The following HFM1 variants were observed in gnomAD, a reference collection of about 807,000 sequenced individuals.
The protein encoded by HFM1 is helicase for meiosis 1.
Under a neutral mutation model 192.1 loss-of-function variants are expected in HFM1, and 169 were observed. The observed-to-expected ratio is 0.88, with a 90% CI of 0.78 to 1.00. HFM1 has a LOEUF of 1.00. Ranked by LOEUF, HFM1 falls within the 50% of genes least tolerant of loss-of-function variation. The pLI is 0.00. For missense variants in HFM1, 1,661 were observed against 1,668.0 expected (o/e 1.00, Z 0.07); for synonymous variants, 525 against 537.8 (o/e 0.98, Z 0.33).
rs370334116 is a variant in HFM1, at chr1:91,400,793, T to C, written c.71+219A>G. Among the ~76,000 whole-genome samples, 12 of 152,330 alleles carry C rather than the reference T, an allele frequency of 7.9e-5. No homozygotes were observed. In the East Asian group the frequency reaches 1.2e-3, roughly 15 times the overall value. On this transcript the variant is annotated intron_variant, in intron 2 of 38. Transcript: ENST00000370425. ...GCCACTGCGCCTGGCCCAAATCTAT[T>C]CTATTTTTAAAATTATAACATTTAA...
At chr1:91,305,843 T>G (rs1206172096) in intron 30 of HFM1, among the ~76,000 whole-genome samples, 1 of 152,094 alleles carries the variant, frequency 6.6e-6, no homozygotes, top group Non-Finnish European at 1.5e-5. Context: ...TCTGGGATTA[T>G]AGGTATGAGC....
chr1:91,405,402 C>T (rs2102247743), upstream of HFM1, among the ~76,000 whole-genome samples: 1 of 152,304 alleles, frequency 6.6e-6, no homozygotes, highest in African/African-American at 2.4e-5. Flanking sequence ...GAATTGTCCT[C>T]TGAAGATTTG....
At chr1:91,290,724 C>G (rs984364136) in intron 30 of HFM1, among the ~76,000 whole-genome samples, 7 of 152,142 alleles carry the variant, frequency 4.6e-5, no homozygotes, top group Non-Finnish European at 7.4e-5. Flanking sequence ...ACAGAACTCT[C>G]CACCCCAAAT....
At chr1:91,391,465 G>C (rs1449187237) in intron 4 of HFM1, among the ~76,000 whole-genome samples, 1 of 152,196 alleles carries the variant, frequency 6.6e-6, no homozygotes, top group Non-Finnish European at 1.5e-5. Flanking sequence ...ACAACCATCT[G>C]ATCTTTGACA....
Position 91,369,161 on chromosome 1 carries a change from C to T in HFM1, c.1685+6197G>A, listed in dbSNP as rs559214380. Among the ~76,000 whole-genome samples, 3 of 152,316 alleles carry T rather than the reference C, an allele frequency of 2.0e-5. No homozygotes were observed. The South Asian group carries it at 6.2e-4, about 32-fold the overall frequency. On this transcript the variant is annotated intron_variant, in intron 13 of 38. Transcript: ENST00000370425. Reference sequence around the variant, plus strand: ...ACACAATAATAATGGGAGACTTTCACACCCCACTGTCAACATTAGACAGAT... The same window carrying T: ...ACACAATAATAATGGGAGACTTTCATACCCCACTGTCAACATTAGACAGAT...
intron 20 of HFM1, among the ~76,000 whole-genome samples, chr1:91,330,796 T>C (rs1653712879): frequency 6.6e-6 from 1 of 152,188 alleles, no homozygotes; most frequent in African/African-American, 2.4e-5. Context: ...CTAAAAAGAT[T>C]ATTCAACATG....
chr1:91,346,862 G>C (rs1265313335), intron 19 of HFM1, among the ~76,000 whole-genome samples: 1 of 152,146 alleles, frequency 6.6e-6, no homozygotes, highest in African/African-American at 2.4e-5. Flanking sequence ...GTCGCTCACA[G>C]CTACATTCTC....
intron 13 of HFM1, among the ~76,000 whole-genome samples, chr1:91,359,555 A>T (rs76386340): frequency 0.034 from 2 of 58 alleles, no homozygotes; most frequent in African/African-American, 0.071. Context: ...CAAGAATACA[A>T]AAAAAAAAAA....
chr1:91,381,119 G>T, intron 6 of HFM1, 137 bp from the exon 7 acceptor site: 1 of 564,980 alleles, frequency 1.8e-6, no homozygotes, highest in South Asian at 2.2e-5. Flanking sequence ...TGGCATCTTA[G>T]GAAAAGAATT....
rs114570239 is a variant in HFM1, at chr1:91,316,516, A to G, written c.2813-40T>C. On this transcript the variant is annotated intron_variant, in intron 25 of 38. Transcript: ENST00000370425. Reference sequence around the variant, plus strand: ...TCAAACAACAACTTAAAAATAATGCACTTTAAATAAAACATATATTTAAAT... The same window carrying G: ...TCAAACAACAACTTAAAAATAATGCGCTTTAAATAAAACATATATTTAAAT... 4 of 913,990 alleles carry G rather than the reference A, an allele frequency of 4.4e-6. No homozygotes were observed. The South Asian group carries it at 9.0e-5, about 21-fold the overall frequency. The allele number at this position is 913,990 out of a possible 1,614,324, so 56.6% of individuals were successfully genotyped here.
intron 1 of HFM1, among the ~76,000 whole-genome samples, chr1:91,402,153 C>A (rs1200537839): frequency 6.6e-6 from 1 of 152,084 alleles, no homozygotes; most frequent in African/African-American, 2.4e-5. Flanking sequence ...TCTATTAATG[C>A]CATCTAGTGG....
Position 91,352,668 on chromosome 1 carries a change from C to T in HFM1, c.1832-17G>A, listed in dbSNP as rs766097308. ...TGGTAGTAACTGCATCAGATTAAGA[C>T]ATAGTAATTTTGAGCCATTTAACTT... On this transcript the variant is annotated splice_polypyrimidine_tract_variant and intron_variant, in intron 15 of 38. Transcript: ENST00000370425. The T allele has an allele frequency of 3.2e-6, 5 of 1,560,538 alleles. No homozygotes were observed. In the East Asian group the frequency reaches 1.2e-4, roughly 36 times the overall value.
At chr1:91,296,929 T>C (rs997433427) in intron 30 of HFM1, among the ~76,000 whole-genome samples, 1 of 152,140 alleles carries the variant, frequency 6.6e-6, no homozygotes, top group Non-Finnish European at 1.5e-5. Context: ...CACTGGGGAA[T>C]GTCAGACAGT....
Position 91,277,605 on chromosome 1 carries a change from T to TACC in HFM1, c.3392-544_3392-543insGGT, listed in dbSNP as rs1557766167. Among the ~76,000 whole-genome samples, 3 of 66,566 alleles carry TACC rather than the reference T, an allele frequency of 4.5e-5. No individual in the cohort carries two copies. In the Admixed American group the frequency reaches 6.4e-4, roughly 14 times the overall value. 43.7% of individuals were successfully genotyped at this position (66,566 alleles called of 152,430 possible). A position where few individuals can be genotyped will look rare whatever the true frequency, so the allele number is the denominator to read the frequency against. On this transcript the variant is annotated intron_variant, in intron 30 of 38. Transcript: ENST00000370425. ...CTTTATATATAATATATATACTTTA[T>TACC]ATATATACTATATACTAATATATAT...
At chr1:91,325,420 A>G (rs1021836874) in intron 20 of HFM1, among the ~76,000 whole-genome samples, 7 of 152,224 alleles carry the variant, frequency 4.6e-5, no homozygotes, top group Non-Finnish European at 1.0e-4. Flanking sequence ...GAGTGCTTAC[A>G]TCAGCATAGC....
chr1:91,303,470 T>C (rs1290784834), intron 30 of HFM1, among the ~76,000 whole-genome samples: 1 of 152,258 alleles, frequency 6.6e-6, no homozygotes, highest in Non-Finnish European at 1.5e-5. Flanking sequence ...TGCAGCTATA[T>C]ACATTCATGT....
upstream of HFM1, among the ~76,000 whole-genome samples, chr1:91,406,182 G>A (rs1405489477): frequency 2.0e-5 from 3 of 152,200 alleles, no homozygotes; most frequent in Non-Finnish European, 2.9e-5. Flanking sequence ...GGAGGCCCTC[G>A]CCAAATACCG....
intron 13 of HFM1, among the ~76,000 whole-genome samples, chr1:91,368,609 G>A (rs1207322556): frequency 1.3e-5 from 2 of 152,088 alleles, no homozygotes; most frequent in Non-Finnish European, 2.9e-5. Flanking sequence ...CAATAAACAT[G>A]GAAAGGAACA....
At chr1:91,389,439 G>A (rs1188150071) in intron 4 of HFM1, among the ~76,000 whole-genome samples, 2 of 151,996 alleles carry the variant, frequency 1.3e-5, no homozygotes, top group Non-Finnish European at 2.9e-5. Flanking sequence ...GTATTTGGAG[G>A]TGGGGCCTTT....
Sources: allele counts gnomAD v4.1 joint callset (sites outside exome capture counted in the v4.1 genomes callset), GRCh38; gene constraint gnomAD v4.1.1; transcripts MANE v1.5; gene names NCBI Gene and HGNC (gene_info 2026-07-23, HGNC 2026-07-21).